The following ARK2N variants were observed in gnomAD, a reference collection of about 807,000 sequenced individuals.
The protein encoded by ARK2N is arkadia (RNF111) N-terminal like PKA signaling regulator 2N, also known as protein ARK2N.
chr18:46,198,432 C>T, the ARK2N span, among the ~76,000 whole-genome samples: 2 of 151,056 alleles, frequency 1.3e-5, no homozygotes, highest in Non-Finnish European at 2.9e-5. Context: ...AACTATGAGA[C>T]AATATTATAA....
the ARK2N span, among the ~76,000 whole-genome samples, chr18:46,196,073 C>G: frequency 6.6e-6 from 1 of 151,874 alleles, no homozygotes; most frequent in Non-Finnish European, 1.5e-5. Flanking sequence ...CTCTGCCTCC[C>G]GGGTTCAAGC....
the ARK2N span, among the ~76,000 whole-genome samples, chr18:46,258,405 A>G: frequency 3.3e-5 from 5 of 152,034 alleles, no homozygotes; most frequent in African/African-American, 7.2e-5. Flanking sequence ...TTTTCTTAGA[A>G]TGGTAAGCTA....
the ARK2N span, chr18:46,218,111 G>A: frequency 3.9e-5 from 6 of 152,130 alleles, no homozygotes; most frequent in Non-Finnish European, 1.5e-5. Context: ...AAGGAAGAAG[G>A]TGGGTAAACA....
the ARK2N span, among the ~76,000 whole-genome samples, chr18:46,203,673 T>C: frequency 6.6e-6 from 1 of 152,112 alleles, no homozygotes; most frequent in African/African-American, 2.4e-5. Flanking sequence ...TCTCAGCCTC[T>C]GCCTCCCAGG....
At chr18:46,192,156 T>C in the ARK2N span, among the ~76,000 whole-genome samples, 5 of 152,242 alleles carry the variant, frequency 3.3e-5, no homozygotes, top group African/African-American at 1.2e-4. Flanking sequence ...AAAATCATAA[T>C]GTTAAAAGAG....
At chr18:46,247,830 C>G in the ARK2N span, among the ~76,000 whole-genome samples, 1 of 152,210 alleles carries the variant, frequency 6.6e-6, no homozygotes, top group Admixed American at 6.5e-5. Flanking sequence ...TACCACCATA[C>G]CTGCCTAATT....
the ARK2N span, among the ~76,000 whole-genome samples, chr18:46,231,141 C>G: frequency 6.6e-6 from 1 of 152,096 alleles, no homozygotes; most frequent in Non-Finnish European, 1.5e-5. Flanking sequence ...ATTTAGAGCC[C>G]AACAAGGTCA....
the ARK2N span, among the ~76,000 whole-genome samples, chr18:46,209,707 T>C: frequency 0.73 from 111,236 of 151,968 alleles, 40,848 homozygotes; most frequent in Middle Eastern, 0.77. Context: ...GTGATTCTTC[T>C]GCCTCAGCCT....
chr18:46,215,805 G>T, the ARK2N span: 3 of 1,352,636 alleles, frequency 2.2e-6, no homozygotes, highest in Admixed American at 6.4e-5. Context: ...GTGTGTTTTT[G>T]TACAGGTTGC....
At chr18:46,225,019 G>A in the ARK2N span, among the ~76,000 whole-genome samples, 1 of 152,252 alleles carries the variant, frequency 6.6e-6, no homozygotes, top group African/African-American at 2.4e-5. Flanking sequence ...GAACTGCACA[G>A]GCAGTGGCCT....
At chr18:46,250,490 G>GCACACACACACACACACACACACACA in the ARK2N span, among the ~76,000 whole-genome samples, 1 of 22,794 alleles carries the variant, frequency 4.4e-5, no homozygotes, top group Non-Finnish European at 1.2e-4. Flanking sequence ...CCCTCCATTC[G>GCACACACACACACACACACACACACA]TACACACACA....
the ARK2N span, among the ~76,000 whole-genome samples, chr18:46,243,831 A>G: frequency 6.6e-6 from 1 of 152,218 alleles, no homozygotes; most frequent in Admixed American, 6.5e-5. Context: ...TATTGTTACC[A>G]CTAAGTGAAA....
the ARK2N span, among the ~76,000 whole-genome samples, chr18:46,259,267 A>AGAG: frequency 6.9e-6 from 1 of 144,948 alleles, no homozygotes; most frequent in Non-Finnish European, 1.5e-5. Context: ...TTTTTGAGAC[A>AGAG]GAGTCTCATT....
the ARK2N span, among the ~76,000 whole-genome samples, chr18:46,231,285 G>T: frequency 6.6e-6 from 1 of 152,148 alleles, no homozygotes; most frequent in Non-Finnish European, 1.5e-5. Context: ...TTTACTAAGA[G>T]AAATTAGCCT....
chr18:46,241,417 A>G, the ARK2N span, among the ~76,000 whole-genome samples: 1 of 152,192 alleles, frequency 6.6e-6, no homozygotes, highest in South Asian at 2.1e-4. Context: ...TAATACAAAT[A>G]CTTTGAAAAG....
chr18:46,201,265 G>A, the ARK2N span, among the ~76,000 whole-genome samples: 2 of 152,004 alleles, frequency 1.3e-5, no homozygotes, highest in African/African-American at 2.4e-5. Context: ...GATTGCAAAC[G>A]TGATCTACTA....
the ARK2N span, among the ~76,000 whole-genome samples, chr18:46,214,755 T>C: frequency 1.3e-5 from 2 of 152,224 alleles, no homozygotes; most frequent in African/African-American, 2.4e-5. Context: ...CCTTTATTCA[T>C]TCATAGAATA....
At chr18:46,178,130 A>C in the ARK2N span, among the ~76,000 whole-genome samples, 1 of 152,056 alleles carries the variant, frequency 6.6e-6, no homozygotes, top group South Asian at 2.1e-4. Context: ...TTATCAGTGC[A>C]CTTGAATGGT....
chr18:46,240,305 A>G, the ARK2N span: 1 of 1,137,442 alleles, frequency 8.8e-7, no homozygotes, highest in South Asian at 1.6e-5. Context: ...CTGGCATTGA[A>G]TGATTGGTTG....
Sources: allele counts gnomAD v4.1 joint callset (sites outside exome capture counted in the v4.1 genomes callset), GRCh38; gene constraint gnomAD v4.1.1; transcripts MANE v1.5; gene names NCBI Gene and HGNC (gene_info 2026-07-23, HGNC 2026-07-21).